CCSER1: variants seen among roughly 807,000 people sequenced by gnomAD.
The protein encoded by CCSER1 is coiled-coil serine rich protein 1.
Under a neutral mutation model 82.0 loss-of-function variants are expected in CCSER1, and 41 were observed. The observed-to-expected ratio is 0.50, with a 90% CI of 0.39 to 0.65. The LOEUF is 0.65. Among genes scored for constraint, CCSER1 ranks in the 30% least tolerant of loss-of-function variants. CCSER1 has a pLI of 0.00. For synonymous variants in CCSER1, 414 were observed against 383.9 expected (o/e 1.08, Z -0.92); for missense variants, 1,119 against 1,064.2 (o/e 1.05, Z -0.72).
intron 10 of CCSER1, among the ~76,000 whole-genome samples, chr4:91,533,484 G>A (rs1050692143): frequency 2.0e-5 from 3 of 152,194 alleles, no homozygotes; most frequent in South Asian, 2.1e-4. Flanking sequence ...AGTTGATTAC[G>A]GTAGTTGAAA....
chr4:90,209,385 G>C (rs1423859388), intron 1 of CCSER1, among the ~76,000 whole-genome samples: 1 of 152,142 alleles, frequency 6.6e-6, no homozygotes, highest in Admixed American at 6.5e-5. Flanking sequence ...TGGTGGAGGG[G>C]CAGAATCTGA....
intron 5 of CCSER1, among the ~76,000 whole-genome samples, chr4:90,575,008 ATCTACTGCCTTTAAGTT>A (rs1780582548): frequency 6.7e-6 from 1 of 150,082 alleles, no homozygotes; most frequent in Non-Finnish European, 1.5e-5. Context: ...TCAAATTGTT[ATCTACTGCCTTTAAGTT>A]TTTGTCTCTT....
intron 10 of CCSER1, among the ~76,000 whole-genome samples, chr4:91,365,916 A>C (rs2149317903): frequency 6.6e-6 from 1 of 152,352 alleles, no homozygotes; most frequent in East Asian, 1.9e-4. Flanking sequence ...CTGGTATCAA[A>C]GATTTATGTA....
At chr4:90,280,263 T>A (rs1450730458) in intron 1 of CCSER1, among the ~76,000 whole-genome samples, 1 of 151,942 alleles carries the variant, frequency 6.6e-6, no homozygotes, top group East Asian at 1.9e-4. Context: ...AATGATGAAT[T>A]TTTGGGCACC....
intron 7 of CCSER1, among the ~76,000 whole-genome samples, chr4:90,742,688 T>G (rs1055471839): frequency 2.0e-5 from 3 of 152,162 alleles, no homozygotes; most frequent in African/African-American, 7.2e-5. Context: ...TCAAATAAAA[T>G]GTAATAAGGA....
Position 91,443,187 on chromosome 4 carries a change from G to A in CCSER1, c.2218-155385G>A, listed in dbSNP as rs1425224924. On this transcript the variant is annotated intron_variant, in intron 10 of 10. Coordinates refer to ENST00000509176, the MANE Select transcript of CCSER1 (RefSeq NM_001145065.2). ...ACACATGCACACATATGTTTATTGCGGCACTATTCATAATAGCAAAGACTT... is the reference window on the plus strand; with the variant it reads ...ACACATGCACACATATGTTTATTGCAGCACTATTCATAATAGCAAAGACTT... Among the ~76,000 whole-genome samples the A allele has an allele frequency of 4.6e-5, 7 of 151,914 alleles. No individual in the cohort carries two copies. In the South Asian group the frequency reaches 8.3e-4, roughly 18 times the overall value.
chr4:91,549,988 T>C (rs1349404661), intron 10 of CCSER1, among the ~76,000 whole-genome samples: 1 of 152,076 alleles, frequency 6.6e-6, no homozygotes, highest in African/African-American at 2.4e-5. Flanking sequence ...AGTTGGTATT[T>C]CTCTTTACCC....
intron 10 of CCSER1, among the ~76,000 whole-genome samples, chr4:91,404,579 A>G (rs1359992822): frequency 6.6e-6 from 1 of 152,118 alleles, no homozygotes; most frequent in Non-Finnish European, 1.5e-5. Context: ...TGTCCCAGAG[A>G]TTCTGGTATG....
chr4:91,116,166 A>G (rs1294519751), intron 10 of CCSER1, among the ~76,000 whole-genome samples: 1 of 152,104 alleles, frequency 6.6e-6, no homozygotes, highest in Non-Finnish European at 1.5e-5. Flanking sequence ...AAGACTTGGA[A>G]CCAACCCAAA....
Position 90,729,557 on chromosome 4 carries a change from A to G in CCSER1, c.2010+5566A>G, listed in dbSNP as rs1046050363. Among the ~76,000 whole-genome samples, 6 of 152,212 alleles carry G rather than the reference A, an allele frequency of 3.9e-5. No individual in the cohort carries two copies. In the East Asian group the frequency reaches 9.6e-4, roughly 24 times the overall value. On this transcript the variant is annotated intron_variant, in intron 7 of 10. Coordinates refer to ENST00000509176, the MANE Select transcript of CCSER1 (RefSeq NM_001145065.2). Reference sequence around the variant, plus strand: ...ATGAAACACTACTTGGAAAAAATACATAATAGTTTCTGTAACAATAAGAAC... The same window carrying G: ...ATGAAACACTACTTGGAAAAAATACGTAATAGTTTCTGTAACAATAAGAAC...
intron 10 of CCSER1, among the ~76,000 whole-genome samples, chr4:91,261,660 A>C (rs1425355861): frequency 6.6e-6 from 1 of 152,186 alleles, no homozygotes; most frequent in Non-Finnish European, 1.5e-5. Flanking sequence ...GACTTTTAGA[A>C]GCTCTGAGCA....
chr4:91,202,882 T>G (rs766706884), intron 10 of CCSER1, among the ~76,000 whole-genome samples: 1 of 122,186 alleles, frequency 8.2e-6, no homozygotes, highest in South Asian at 2.6e-4. Context: ...TCCAACATTG[T>G]TTTTCAGGAT....
At chr4:91,519,511 A>G (rs983732053) in intron 10 of CCSER1, among the ~76,000 whole-genome samples, 19 of 152,066 alleles carry the variant, frequency 1.2e-4, no homozygotes, top group African/African-American at 3.9e-4. Flanking sequence ...GCCTATAGGG[A>G]GCCTAGGCAC....
At chr4:90,254,978 A>AGCAC (rs1553972303) in intron 1 of CCSER1, among the ~76,000 whole-genome samples, 1 of 142,928 alleles carries the variant, frequency 7.0e-6, no homozygotes, top group Non-Finnish European at 1.6e-5. Context: ...CATATATATC[A>AGCAC]ACACACACAC....
intron 10 of CCSER1, among the ~76,000 whole-genome samples, chr4:91,587,056 A>C (rs1337199639): frequency 6.6e-6 from 1 of 151,804 alleles, no homozygotes; most frequent in Admixed American, 6.6e-5. Flanking sequence ...GACTAGTTTT[A>C]GATTTTGACA....
At chr4:90,662,140 A>C (rs1730936399) in intron 6 of CCSER1, among the ~76,000 whole-genome samples, 1 of 151,850 alleles carries the variant, frequency 6.6e-6, no homozygotes, top group Non-Finnish European at 1.5e-5. Context: ...CTGGGACTAC[A>C]GGCGCTCGCC....
At chr4:91,260,572 G>A (rs186709789) in intron 10 of CCSER1, among the ~76,000 whole-genome samples, 14 of 152,232 alleles carry the variant, frequency 9.2e-5, no homozygotes, top group Non-Finnish European at 1.5e-4. Flanking sequence ...CTGTGTGATG[G>A]AAGATGGTCT....
chr4:90,629,599 T>G (rs1560843636), intron 6 of CCSER1, among the ~76,000 whole-genome samples: 1 of 152,140 alleles, frequency 6.6e-6, no homozygotes, highest in Non-Finnish European at 1.5e-5. Context: ...TTATTATGAT[T>G]AAAGCTGAGA....
chr4:90,604,032 G>T (rs539588529), intron 5 of CCSER1, among the ~76,000 whole-genome samples: 1 of 152,060 alleles, frequency 6.6e-6, no homozygotes, highest in East Asian at 1.9e-4. Flanking sequence ...CTTGTCTCAG[G>T]TCTTATGCCA....
Sources: allele counts gnomAD v4.1 joint callset (sites outside exome capture counted in the v4.1 genomes callset), GRCh38; gene constraint gnomAD v4.1.1; transcripts MANE v1.5; gene names NCBI Gene and HGNC (gene_info 2026-07-23, HGNC 2026-07-21).